RIMS3: variants seen among roughly 807,000 people sequenced by gnomAD.
RIMS3 encodes the protein regulating synaptic membrane exocytosis 3.
In RIMS3, 15 loss-of-function variants were observed where a neutral mutation model predicts 29.2. The observed-to-expected ratio is 0.51, with a 90% confidence interval of 0.34 to 0.79. The LOEUF (loss-of-function observed/expected upper bound fraction) is 0.79. Ranked by LOEUF, RIMS3 falls within the 30% of genes least tolerant of loss-of-function variation. RIMS3 has a pLI of 0.01. For synonymous variants in RIMS3, 161 were observed against 170.1 expected, an observed-to-expected ratio of 0.95 and a Z score of 0.41; for missense variants, 342 against 421.4, an observed-to-expected ratio of 0.81 and a Z score of 1.65.
chr1:40,633,265 C>T (rs563668933), intron 4 of RIMS3, 84 bp from the exon 5 acceptor site: 7 of 998,920 alleles, frequency 7.0e-6, no homozygotes, highest in Non-Finnish European at 1.1e-5. Context: ...CATGCTCTGG[C>T]CCTGGGGCCC....
chr1:40,670,193 G>C (rs1453622101), upstream of RIMS3, among the ~76,000 whole-genome samples: 1 of 152,096 alleles, frequency 6.6e-6, no homozygotes, highest in East Asian at 1.9e-4. Context: ...TTTATTATAT[G>C]TTGAATATTC....
intron 3 of RIMS3, among the ~76,000 whole-genome samples, chr1:40,640,228 C>A (rs1223836735): frequency 6.6e-6 from 1 of 152,094 alleles, no homozygotes; most frequent in African/African-American, 2.4e-5. Flanking sequence ...CCTTCCTTGT[C>A]CCAGCCCAAT....
Position 40,626,582 on chromosome 1 carries a change from C to G in RIMS3, c.862G>C (p.Gly288Arg), listed in dbSNP as rs765042870. The change falls in exon 8 of 8, where the codon GGA (glycine) becomes CGA (arginine). Residue 288 changes from glycine to arginine, a missense_variant. Coordinates refer to ENST00000372684, the MANE Select transcript of RIMS3 (RefSeq NM_014747.3). Reference sequence around the variant, plus strand: ...TGGGACAGGCGCCTGGTGAGGGATCCGAGTGTGGAGTCTGCCACTGAGGAG... The same window carrying G: ...TGGGACAGGCGCCTGGTGAGGGATCGGAGTGTGGAGTCTGCCACTGAGGAG... ...PTSSVADSTL[G>R]SLTRRLSQSS... 6.2e-7 allele frequency: 1 copy of G among 1,613,828 alleles called. No homozygotes were observed. The highest frequency in any genetic ancestry group is 1.7e-5 in the Admixed American group (1 of 59,962).
rs1432602871 is a variant in RIMS3 at position 40,665,426 on chromosome 1, G to A, written c.-239C>T. ...TGGGGCCGGGGTCCAGACAGGGAGGGGGCCTCCACAGGCCGAGGCGGCTCC... is the reference window on the plus strand; with the variant it reads ...TGGGGCCGGGGTCCAGACAGGGAGGAGGCCTCCACAGGCCGAGGCGGCTCC... On this transcript the variant is annotated 5_prime_UTR_variant, in exon 1 of 8. Coordinates refer to ENST00000372684, the MANE Select transcript of RIMS3 (RefSeq NM_014747.3). 1 of 152,398 alleles carries A rather than the reference G, an allele frequency of 6.6e-6. No homozygotes were observed. Among genetic ancestry groups the A allele is most frequent in the African/African-American group, 2.4e-5 (1 of 41,454 alleles). The allele number at this position is 152,398 out of a possible 1,614,324, so 9.4% of individuals were successfully genotyped here. A position where few individuals can be genotyped will look rare whatever the true frequency, so the allele number is the denominator to read the frequency against.
chr1:40,692,018 C>T, the RIMS3 span: 2 of 209,558 alleles, frequency 9.5e-6, no homozygotes, highest in Non-Finnish European at 2.1e-5. Flanking sequence ...ATGTTGTGCT[C>T]TTGCCTGGCC....
At chr1:40,670,574 T>TTATATATATATATATATATATA (rs553412097), upstream of RIMS3, among the ~76,000 whole-genome samples, 850 of 70,980 alleles carry the variant, frequency 0.012, 49 homozygotes, top group Non-Finnish European at 0.013. Context: ...AGTTATAATT[T>TTATATATATATATATATATATA]TATATATATA....
At chr1:40,682,741 CTTT>C in the RIMS3 span, among the ~76,000 whole-genome samples, 58 of 77,510 alleles carry the variant, frequency 7.5e-4, 7 homozygotes, top group Non-Finnish European at 8.7e-4. Context: ...CTTTGCAGAT[CTTT>C]TTTTTTTTTT....
the RIMS3 span, among the ~76,000 whole-genome samples, chr1:40,683,310 G>C: frequency 7.9e-5 from 12 of 152,354 alleles, no homozygotes; most frequent in African/African-American, 2.9e-4. Context: ...ACAACGTTGA[G>C]AAGTGGAACA....
At chr1:40,685,296 TTA>T in the RIMS3 span, among the ~76,000 whole-genome samples, 95 of 17,292 alleles carry the variant, frequency 5.5e-3, no homozygotes, top group African/African-American at 0.028. Context: ...AATATATATA[TTA>T]TATATATTAA....
Position 40,623,887 on chromosome 1 carries a change from G to T in RIMS3, c.*2630C>A. The T allele has an allele frequency of 4.6e-6, 1 of 218,582 alleles. No homozygotes were observed. The highest frequency in any genetic ancestry group is 9.0e-6 in the Non-Finnish European group (1 of 111,542). 13.5% of individuals were successfully genotyped at this position (218,582 alleles called of 1,614,324 possible). ...CCCTCATGGGGTAAAATCCAGGTGG[G>T]GATGAGTAACTTATTTGGTGCAAAG... On this transcript the variant is annotated 3_prime_UTR_variant, in exon 8 of 8. Coordinates refer to ENST00000372684, the MANE Select transcript of RIMS3 (RefSeq NM_014747.3).
intron 4 of RIMS3, among the ~76,000 whole-genome samples, chr1:40,634,243 C>T (rs775919987): frequency 3.9e-5 from 6 of 152,126 alleles, no homozygotes; most frequent in African/African-American, 9.7e-5. Context: ...CCTTGGCTAG[C>T]GGCCAGCAGG....
upstream of RIMS3, among the ~76,000 whole-genome samples, chr1:40,667,858 G>A (rs1484747578): frequency 1.3e-5 from 2 of 152,242 alleles, no homozygotes; most frequent in African/African-American, 2.4e-5. Flanking sequence ...GCCCGGCACA[G>A]TGGCTCATGC....
Position 40,654,195 on chromosome 1 carries a change from G to A in RIMS3, c.-206-6353C>T, listed in dbSNP as rs896255991. 1.3e-4 allele frequency among the ~76,000 whole-genome samples: 19 copies of A among 147,500 alleles called. No individual in the cohort carries two copies. The highest frequency in any genetic ancestry group is 4.7e-4 in the African/African-American group (19 of 40,398). ...CGCCCCTCCCCCGCGCCGCTGACGA[G>A]GCCGGATCAATATTTCATGGGGGGA... On this transcript the variant is annotated intron_variant, in intron 1 of 7. Coordinates refer to ENST00000372684, the MANE Select transcript of RIMS3 (RefSeq NM_014747.3). This position sits in a 1 kb window ranked among gnomAD's most constrained non-coding sequence, Gnocchi z 5.3.
the RIMS3 span, among the ~76,000 whole-genome samples, chr1:40,686,993 A>T: frequency 3.1e-5 from 4 of 130,776 alleles, no homozygotes; most frequent in African/African-American, 1.2e-4. Context: ...GGAAAACAGT[A>T]TGGTGGCTCC....
chr1:40,685,759 A>G, the RIMS3 span, among the ~76,000 whole-genome samples: 3 of 152,102 alleles, frequency 2.0e-5, no homozygotes, highest in Non-Finnish European at 4.4e-5. Flanking sequence ...TCAGTCAGAG[A>G]TCTGAGAAGC....
At chr1:40,682,776 T>C in the RIMS3 span, among the ~76,000 whole-genome samples, 3 of 138,012 alleles carry the variant, frequency 2.2e-5, no homozygotes, top group African/African-American at 8.0e-5. Context: ...AATCTTGCTC[T>C]GTCAACCAGG....
At chr1:40,644,864 TGA>T (rs1174580379) in intron 2 of RIMS3, among the ~76,000 whole-genome samples, 1 of 152,144 alleles carries the variant, frequency 6.6e-6, no homozygotes, top group Non-Finnish European at 1.5e-5. Flanking sequence ...CCTGGAACAC[TGA>T]GAGAGTCTGC....
At chr1:40,669,284 C>T (rs1002140304), upstream of RIMS3, 8 of 152,184 alleles carry the variant, frequency 5.3e-5, 1 homozygote, top group Non-Finnish European at 8.8e-5. Flanking sequence ...ATTTGATGGA[C>T]GGAAACTGAG....
the RIMS3 span, among the ~76,000 whole-genome samples, chr1:40,675,109 A>C: frequency 1.3e-5 from 2 of 151,830 alleles, no homozygotes; most frequent in Non-Finnish European, 2.9e-5. Flanking sequence ...AGGAAAAAAA[A>C]TTTTTTTTAA....
Sources: allele counts gnomAD v4.1 joint callset (sites outside exome capture counted in the v4.1 genomes callset), GRCh38; gene constraint gnomAD v4.1.1; non-coding constraint Gnocchi (gnomAD v3.1); transcripts MANE v1.5; gene names NCBI Gene and HGNC (gene_info 2026-07-23, HGNC 2026-07-21).